CDC25B: variants seen among roughly 807,000 people sequenced by gnomAD.
CDC25B encodes M-phase inducer phosphatase 2.
A neutral mutation model predicts 69.8 loss-of-function variants in CDC25B; 33 were observed. The observed-to-expected ratio is 0.47, with a 90% CI of 0.36 to 0.63. The LOEUF (loss-of-function observed/expected upper bound fraction) is 0.63, where lower values mean the gene tolerates loss of function less well. CDC25B is among the 30% of genes least tolerant of loss of function. The probability of loss-of-function intolerance (pLI) is 0.00; values close to 1 mark genes in which losing one functional copy is unlikely to be tolerated. For missense variants in CDC25B, 727 were observed against 809.1 expected, an observed-to-expected ratio of 0.90 and a Z score of 1.23; for synonymous variants, 341 against 314.6, an observed-to-expected ratio of 1.08 and a Z score of -0.89.
chr20:3,787,389 CTTAAG>C (rs1022591539), intron 1 of CDC25B, among the ~76,000 whole-genome samples: 5 of 152,162 alleles, frequency 3.3e-5, no homozygotes, highest in African/African-American at 4.8e-5. Flanking sequence ...TTGTTACACA[CTTAAG>C]TTATTTTTAA....
chr20:3,800,718 CCTGCCGCCCT>C lies in CDC25B; in HGVS notation c.460-24_460-15del. On this transcript the variant is annotated splice_polypyrimidine_tract_variant and intron_variant, in intron 5 of 15. Transcript: ENST00000245960. Reference sequence around the variant, plus strand: ...GAGGAATGCAGCCTTCATTCCTCTGCCTGCCGCCCTGCCTGGCTCTCTAGGTGAGGCTGCT... The same window carrying C: ...GAGGAATGCAGCCTTCATTCCTCTGCGCCTGGCTCTCTAGGTGAGGCTGCT... 1 of 1,402,072 alleles carries C rather than the reference CCTGCCGCCCT, an allele frequency of 7.1e-7. No homozygotes were observed. Among genetic ancestry groups the C allele is most frequent in the Non-Finnish European group, 1.0e-6 (1 of 1,001,466 alleles). 86.9% of individuals were successfully genotyped at this position (1,402,072 alleles called of 1,614,324 possible).
At chr20:3,788,136 CAAAA>C (rs768288652) in intron 1 of CDC25B, among the ~76,000 whole-genome samples, 21 of 84,312 alleles carry the variant, frequency 2.5e-4, no homozygotes, top group African/African-American at 1.4e-3. Flanking sequence ...GACTCCATCT[CAAAA>C]AAAAAGAAAG....
upstream of CDC25B, among the ~76,000 whole-genome samples, chr20:3,795,076 G>C (rs1371431818): frequency 6.6e-6 from 1 of 152,190 alleles, no homozygotes; most frequent in Admixed American, 6.5e-5. Flanking sequence ...ATAATTGGAA[G>C]ATGGGCCGGG....
rs1017503347 is a variant in CDC25B at position 3,803,922 on chromosome 20, C to T, written c.1490+385C>T. 6.6e-6 allele frequency among the ~76,000 whole-genome samples: 1 copy of T among 152,204 alleles called. No homozygotes were observed. The highest frequency in any genetic ancestry group is 1.5e-5 in the Non-Finnish European group (1 of 68,032). On this transcript the variant is annotated intron_variant, in intron 14 of 15. Transcript: ENST00000245960. This position sits in a 1 kb window ranked among gnomAD's most constrained non-coding sequence, Gnocchi z 4.9. ...CCATTGGCATCCACAGCACCTGGGC[C>T]TCCCTGGCTGAGCTCCTTCTGTCGC...
At chr20:3,796,803 T>TG in intron 1 of CDC25B, 72 bp downstream of exon 1, 2 of 1,488,914 alleles carry the variant, frequency 1.3e-6, no homozygotes, top group Middle Eastern at 2.2e-4. Flanking sequence ...CCTGGAGAAC[T>TG]GGGCATGGTA....
chr20:3,794,222 A>G (rs942989091), upstream of CDC25B, among the ~76,000 whole-genome samples: 1 of 150,416 alleles, frequency 6.6e-6, no homozygotes. Context: ...CCAGCGGTGT[A>G]AAAGTGTTCC....
intron 1 of CDC25B, among the ~76,000 whole-genome samples, chr20:3,790,128 C>T (rs970012560): frequency 2.6e-5 from 4 of 151,752 alleles, no homozygotes; most frequent in African/African-American, 9.7e-5. Context: ...TGCATTACAG[C>T]TTGGGTAACA....
intron 3 of CDC25B, 42 bp from the exon 4 acceptor site, chr20:3,800,246 G>A: frequency 1.9e-6 from 3 of 1,605,878 alleles, no homozygotes; most frequent in South Asian, 1.1e-5. Context: ...GGTGATGGGT[G>A]CGGAGGGAGC....
At position 3,801,327 on chromosome 20, in the gene CDC25B, C is replaced by G; in HGVS notation, c.779C>G (p.Pro260Arg). 4 of 1,614,096 alleles carry G rather than the reference C, an allele frequency of 2.5e-6. No individual in the cohort carries two copies. Among genetic ancestry groups the G allele is most frequent in the Admixed American group, 1.7e-5 (1 of 60,006 alleles). Residue 260 changes from proline (P) to arginine (R), a missense_variant, in exon 8 of 16, where the codon CCT becomes CGT. Pro to Arg is a moderately radical substitution (Grantham distance 103, BLOSUM62 -2). Coordinates refer to ENST00000245960, the MANE Select transcript of CDC25B (RefSeq NM_021873.4). ...PLALGRFSLT[P>R]AEGDTEEDDG... ...GCCCTAGGTCGCTTCTCTCTGACCC[C>G]TGCAGAGGGGGATACTGAGGAAGAT...
At chr20:3,799,661 G>A (rs746509357) in intron 3 of CDC25B, among the ~76,000 whole-genome samples, 1 of 152,186 alleles carries the variant, frequency 6.6e-6, no homozygotes, top group African/African-American at 2.4e-5. Flanking sequence ...AGGAGGAGGG[G>A]GTGGGACAGA....
Position 3,803,627 on chromosome 20 carries a change from G to A in CDC25B, c.1490+90G>A. On this transcript the variant is annotated intron_variant, in intron 14 of 15. Transcript: ENST00000245960. This position sits in a 1 kb window ranked among gnomAD's most constrained non-coding sequence, Gnocchi z 4.9. ...TGCTGGCACCATTGAGATGGCCAGG[G>A]GTGCAAGTCCAGGTCCTCCTCTGTC... The A allele has an allele frequency of 1.9e-6, 3 of 1,544,600 alleles. No individual in the cohort carries two copies. The highest frequency in any genetic ancestry group is 2.7e-6 in the Non-Finnish European group (3 of 1,129,110).
In CDC25B at chr20:3,796,337, C is replaced by T. The variant is rs1322992294; in HGVS notation, c.-195C>T. 3.0e-6 allele frequency: 4 copies of T among 1,325,426 alleles called. No individual in the cohort carries two copies. The highest frequency in any genetic ancestry group is 3.8e-6 in the Non-Finnish European group (4 of 1,041,890). 82.1% of individuals were successfully genotyped at this position (1,325,426 alleles called of 1,614,324 possible). ...AGGCTTCCCTGGCTGGTGCCTGAGC[C>T]CGGCGTCCCTCGCCCCCCGCCCTCC... On this transcript the variant is annotated 5_prime_UTR_variant, in exon 1 of 16. Transcript: ENST00000245960.
chr20:3,804,350 G>A (rs570374135), intron 14 of CDC25B, among the ~76,000 whole-genome samples: 19 of 152,288 alleles, frequency 1.2e-4, no homozygotes, highest in African/African-American at 1.4e-4. Context: ...TTCTAGAAAC[G>A]GAGAGTTCAT....
upstream of CDC25B, among the ~76,000 whole-genome samples, chr20:3,795,124 G>T (rs1325319474): frequency 6.6e-6 from 1 of 152,170 alleles, no homozygotes; most frequent in Non-Finnish European, 1.5e-5. Flanking sequence ...CACTTTGGGA[G>T]GCCTAGGTGG....
chr20:3,794,692 A>G (rs1312652927), upstream of CDC25B, among the ~76,000 whole-genome samples: 1 of 152,170 alleles, frequency 6.6e-6, no homozygotes, highest in Non-Finnish European at 1.5e-5. Flanking sequence ...TGCACAGCAC[A>G]GGAGCTGGGC....
At chr20:3,804,748 T>C (rs1213847140) in intron 15 of CDC25B, 68 bp downstream of exon 15, 17 of 570,746 alleles carry the variant, frequency 3.0e-5, no homozygotes, top group Non-Finnish European at 4.1e-5. Flanking sequence ...AGCCATGGGA[T>C]GGGGGGTGGG....
At chr20:3,789,714 G>A (rs1056542491) in intron 1 of CDC25B, among the ~76,000 whole-genome samples, 10 of 151,964 alleles carry the variant, frequency 6.6e-5, no homozygotes, top group Non-Finnish European at 8.8e-5. Context: ...ACAACATTGG[G>A]CGCGGTGGCT....
chr20:3,801,354 A>T lies in CDC25B; in HGVS notation c.806A>T (p.Asp269Val), dbSNP rs778219991. 8 of 1,613,980 alleles carry T rather than the reference A, an allele frequency of 5.0e-6. No individual in the cohort carries two copies. Among genetic ancestry groups the T allele is most frequent in the Non-Finnish European group, 6.8e-6 (8 of 1,179,928 alleles). The change falls in exon 8 of 16, where the codon GAT (aspartate) becomes GTT (valine). Residue 269 changes from aspartate (D) to valine (V), a missense_variant. Asp to Val is a radical substitution (Grantham distance 152). Coordinates refer to ENST00000245960, the MANE Select transcript of CDC25B (RefSeq NM_021873.4). The stretch of plus-strand genomic sequence containing the variant: ...GCAGAGGGGGATACTGAGGAAGATG[A>T]TGGATTTGTGGACATCCTAGAGAGT... ...TPAEGDTEED[D>V]GFVDILESDL...
chr20:3,799,705 G>C (rs1305688301), intron 3 of CDC25B, among the ~76,000 whole-genome samples: 1 of 152,090 alleles, frequency 6.6e-6, no homozygotes, highest in East Asian at 1.9e-4. Context: ...GGAGGGAGGA[G>C]AGGATGTGAG....
Sources: gnomAD v4.1 joint callset for allele counts (sites outside exome capture counted in the v4.1 genomes callset) on GRCh38, gnomAD v4.1.1 for gene constraint, Gnocchi (gnomAD v3.1) non-coding constraint, MANE v1.5 for transcripts, NCBI Gene and HGNC (gene_info 2026-07-23, HGNC 2026-07-21) for gene names.